Variants in KIR2DL4 observed in about 807,000 individuals in gnomAD.
KIR2DL4 encodes the protein killer cell immunoglobulin-like receptor 2DL4.
Under a neutral mutation model 31.0 loss-of-function variants are expected in KIR2DL4, and 41 were observed. The observed-to-expected ratio is 1.32, with a 90% CI of 1.03 to 1.72. The LOEUF is 1.72. KIR2DL4 is among the 40% of genes most tolerant of loss of function. The pLI, the probability that KIR2DL4 is intolerant of heterozygous loss-of-function variation, is 0.00. For missense variants in KIR2DL4, 438 were observed against 353.7 expected, an observed-to-expected ratio of 1.24 and a Z score of -1.91; for synonymous variants, 164 against 133.6, an observed-to-expected ratio of 1.23 and a Z score of -1.57.
chr19:54,804,025 C>T, intron 2 of KIR2DL4, 99 bp downstream of exon 2: 1 of 1,079,086 alleles, frequency 9.3e-7, no homozygotes. Context: ...GGCTGATGGG[C>T]TGACCATGGG....
At chr19:54,810,711 G>A (rs2060814577) in intron 5 of KIR2DL4, among the ~76,000 whole-genome samples, 1 of 151,140 alleles carries the variant, frequency 6.6e-6, no homozygotes, top group South Asian at 2.1e-4. Context: ...GGAAACTAAG[G>A]AGCAACAAGG....
At chr19:54,805,833 T>TGAGAGA (rs3050844) in intron 3 of KIR2DL4, 118 bp from the exon 4 acceptor site, 224,091 of 822,382 alleles carry the variant, frequency 0.27, 9,880 homozygotes, top group Admixed American at 0.3. Flanking sequence ...GGGTGGAGGG[T>TGAGAGA]GAGAGAGAGA....
intron 5 of KIR2DL4, among the ~76,000 whole-genome samples, chr19:54,811,492 A>G (rs1436327841): frequency 6.6e-6 from 1 of 151,282 alleles, no homozygotes; most frequent in African/African-American, 2.4e-5. Flanking sequence ...TTTCTCTATA[A>G]TGACTTCTTT....
Position 54,807,394 on chromosome 19 carries a change from G to A in KIR2DL4, c.655+1150G>A, listed in dbSNP as rs1222475576. Among the ~76,000 whole-genome samples, 34 of 151,484 alleles carry A rather than the reference G, an allele frequency of 2.2e-4. 4 individuals carry two copies. Among genetic ancestry groups the A allele is most frequent in the African/African-American group, 7.6e-4 (31 of 41,026 alleles). Reference sequence around the variant, plus strand: ...TTCTTTGCATTTACACCCACTAGTGGAATTGCTAGATCCTCTGGATGTTCT... The same window carrying A: ...TTCTTTGCATTTACACCCACTAGTGAAATTGCTAGATCCTCTGGATGTTCT... On this transcript the variant is annotated intron_variant, in intron 4 of 7. Coordinates refer to ENST00000359085, the Ensembl canonical transcript of KIR2DL4.
Position 54,813,829 on chromosome 19 carries a change from TC to T in KIR2DL4, c.*42-10del, listed in dbSNP as rs760679517. 3.7e-4 allele frequency: 597 copies of T among 1,612,270 alleles called. 7 individuals carry two copies. The highest frequency in any genetic ancestry group is 4.8e-4 in the Non-Finnish European group (563 of 1,179,726). On this transcript the variant is annotated splice_polypyrimidine_tract_variant and intron_variant, in intron 7 of 7. Transcript: ENST00000359085. ...TGAACACCCTCCCTCACTCAGGATTTCCCTCTCTCCAGGACTCTGATGAACA... is the reference window on the plus strand; with the variant it reads ...TGAACACCCTCCCTCACTCAGGATTTCCTCTCTCCAGGACTCTGATGAACA...
chr19:54,804,734 A>G (rs1435960840), intron 2 of KIR2DL4, 59 bp from the exon 3 acceptor site: 11 of 1,533,916 alleles, frequency 7.2e-6, no homozygotes, highest in Non-Finnish European at 9.8e-6. Flanking sequence ...TTCTGAGCAC[A>G]GGGAGGGAGG....
intron 5 of KIR2DL4, 99 bp downstream of exon 5, chr19:54,808,982 T>A: frequency 1.0e-6 from 1 of 959,066 alleles, no homozygotes; most frequent in Non-Finnish European, 1.7e-6. Flanking sequence ...TCTGTGATTG[T>A]GGGCCTGTCT....
chr19:54,812,165 T>C (rs1170447223), intron 5 of KIR2DL4, among the ~76,000 whole-genome samples: 3 of 151,020 alleles, frequency 2.0e-5, no homozygotes, highest in African/African-American at 4.9e-5. Flanking sequence ...TTTCTATCAC[T>C]CACCATCACT....
chr19:54,803,994 AG>A, intron 2 of KIR2DL4, 68 bp downstream of exon 2: 1 of 1,395,602 alleles, frequency 7.2e-7, no homozygotes. Flanking sequence ...CAGAAATGGG[AG>A]GGAGGCAGCA....
exon 8 of KIR2DL4, chr19:54,814,046 A>T: frequency 6.2e-7 from 1 of 1,612,260 alleles, no homozygotes; most frequent in Non-Finnish European, 8.5e-7. Flanking sequence ...GGGATCTTCT[A>T]GGGAGACAAC....
At chr19:54,809,074 C>G (rs1431460711) in intron 5 of KIR2DL4, among the ~76,000 whole-genome samples, 191 bp downstream of exon 5, 5 of 151,306 alleles carry the variant, frequency 3.3e-5, no homozygotes, top group Non-Finnish European at 5.9e-5. Flanking sequence ...CTCTTAATCT[C>G]TAATTTTCTG....
At chr19:54,809,183 A>G (rs1245437296) in intron 5 of KIR2DL4, among the ~76,000 whole-genome samples, 1 of 150,914 alleles carries the variant, frequency 6.6e-6, no homozygotes, top group African/African-American at 2.5e-5. Context: ...TGGGAGGACA[A>G]ATGCCTGGGG....
At chr19:54,806,947 G>A (rs1351463302) in intron 4 of KIR2DL4, among the ~76,000 whole-genome samples, 2 of 151,024 alleles carry the variant, frequency 1.3e-5, no homozygotes, top group East Asian at 3.9e-4. Context: ...CCCAGGAGGA[G>A]GAGGTTGCAG....
chr19:54,810,943 G>A (rs913721463), intron 5 of KIR2DL4, among the ~76,000 whole-genome samples: 1 of 151,374 alleles, frequency 6.6e-6, no homozygotes, highest in South Asian at 2.1e-4. Flanking sequence ...GTGAGGTAGA[G>A]TAATTTGCAG....
Position 54,805,086 on chromosome 19 carries a change from G to T in KIR2DL4, c.361+9G>T. On this transcript the variant is annotated intron_variant, in intron 3 of 7. Coordinates refer to ENST00000359085, the Ensembl canonical transcript of KIR2DL4. ...GGTGATCATGGTCACAGGTCAGAGGGCTCCTGTCTGGGCTTCTCCTTGTCC... is the reference window on the plus strand; with the variant it reads ...GGTGATCATGGTCACAGGTCAGAGGTCTCCTGTCTGGGCTTCTCCTTGTCC... 2.5e-6 allele frequency: 4 copies of T among 1,586,128 alleles called. No homozygotes were observed. Among genetic ancestry groups the T allele is most frequent in the Non-Finnish European group, 3.4e-6 (4 of 1,169,456 alleles).
rs2060523682 is a variant in KIR2DL4, at chr19:54,806,259, T to C, written c.655+15T>C. Reference sequence around the variant, plus strand: ...TTCTGTCACAGGTGAGGAAAGCCAATGTCTGTCCCATGTCCTATGGTCCTA... The same window carrying C: ...TTCTGTCACAGGTGAGGAAAGCCAACGTCTGTCCCATGTCCTATGGTCCTA... On this transcript the variant is annotated intron_variant, in intron 4 of 7. Coordinates refer to ENST00000359085, the Ensembl canonical transcript of KIR2DL4. 5 of 1,606,064 alleles carry C rather than the reference T, an allele frequency of 3.1e-6. No homozygotes were observed. Among genetic ancestry groups the C allele is most frequent in the Non-Finnish European group, 8.5e-7 (1 of 1,176,572 alleles).
chr19:54,808,858 A>G, exon 5 of KIR2DL4: 2 of 1,604,192 alleles, frequency 1.2e-6, no homozygotes, highest in African/African-American at 1.4e-5. Context: ...GTTGGCCTTC[A>G]CCCACTGAAC....
chr19:54,813,771 TAC>T (rs1354844981), intron 7 of KIR2DL4, 29 bp downstream of exon 6: 1 of 1,611,472 alleles, frequency 6.2e-7, no homozygotes. Flanking sequence ...GCCTCATGGA[TAC>T]AGTCTTATTC....
In KIR2DL4 at chr19:54,805,247, C is replaced by T. The variant is rs1441158722; in HGVS notation, c.361+170C>T. On this transcript the variant is annotated intron_variant, in intron 3 of 7. Transcript: ENST00000359085. ...TGTTGGAAAGAATAACTGTCCCCATCGATGGCCACATTGTAATCCTTGGAG... is the reference window on the plus strand; with the variant it reads ...TGTTGGAAAGAATAACTGTCCCCATTGATGGCCACATTGTAATCCTTGGAG... 1.3e-5 allele frequency among the ~76,000 whole-genome samples: 2 copies of T among 150,522 alleles called. 1 individual carries two copies. Among genetic ancestry groups the T allele is most frequent in the African/African-American group, 4.9e-5 (2 of 40,596 alleles).
Sources: allele counts gnomAD v4.1 joint callset (sites outside exome capture counted in the v4.1 genomes callset), GRCh38; gene constraint gnomAD v4.1.1; transcripts MANE v1.5; gene names NCBI Gene and HGNC (gene_info 2026-07-23, HGNC 2026-07-21).